The following CPEB1 variants were observed in gnomAD, a reference collection of about 807,000 sequenced individuals.
The protein encoded by CPEB1 is cytoplasmic polyadenylation element-binding protein 1.
In CPEB1, 7 loss-of-function variants were observed where a neutral mutation model predicts 65.8. The observed-to-expected ratio is 0.11, with a 90% CI of 0.06 to 0.20. CPEB1 has a LOEUF of 0.20. Among genes scored for constraint, CPEB1 ranks in the 10% least tolerant of loss-of-function variants. The pLI is 1.00. For synonymous variants in CPEB1, 262 were observed against 260.0 expected, an observed-to-expected ratio of 1.01 and a Z score of -0.08; for missense variants, 551 against 712.2, an observed-to-expected ratio of 0.77 and a Z score of 2.58.
At chr15:82,553,825 G>T in intron 7 of CPEB1, 53 bp downstream of exon 7, 1 of 1,289,922 alleles carries the variant, frequency 7.8e-7, no homozygotes, top group African/African-American at 1.5e-5. Context: ...TCATGCTCCT[G>T]AAAGACATGC....
At chr15:82,557,089 C>G (rs761820197) in intron 5 of CPEB1, among the ~76,000 whole-genome samples, 1 of 152,200 alleles carries the variant, frequency 6.6e-6, no homozygotes, top group Non-Finnish European at 1.5e-5. Flanking sequence ...CTACTATCCC[C>G]TATCTATATT....
At chr15:82,560,403 T>TG (rs1325777788) in intron 4 of CPEB1, among the ~76,000 whole-genome samples, 2 of 150,260 alleles carry the variant, frequency 1.3e-5, no homozygotes, top group East Asian at 1.9e-4. Context: ...GTCATTTGTT[T>TG]TTTTTTTTTT....
chr15:82,550,070 A>G (rs2035976071), intron 9 of CPEB1, among the ~76,000 whole-genome samples: 1 of 152,202 alleles, frequency 6.6e-6, no homozygotes, highest in Admixed American at 6.5e-5. Context: ...ATTAAAGGCT[A>G]GGATCCTGAA....
chr15:82,629,860 G>A, intron 1 of CPEB1: 1 of 985,400 alleles, frequency 1.0e-6, no homozygotes, highest in Non-Finnish European at 1.2e-6. Flanking sequence ...CAACTCTGCA[G>A]GATGACCTTA....
At chr15:82,643,060 A>G (rs1217906906) in intron 1 of CPEB1, among the ~76,000 whole-genome samples, 1 of 152,160 alleles carries the variant, frequency 6.6e-6, no homozygotes, top group Non-Finnish European at 1.5e-5. Flanking sequence ...AAATGCAAAA[A>G]TAACACCAGC....
chr15:82,574,714 C>T (rs2040449534), intron 3 of CPEB1, among the ~76,000 whole-genome samples: 1 of 69,072 alleles, frequency 1.4e-5, no homozygotes, highest in South Asian at 3.8e-4. Flanking sequence ...CAGAGCTAGA[C>T]TCGGTCTCAA....
intron 3 of CPEB1, chr15:82,583,576 A>G (rs1021728420): frequency 2.0e-5 from 3 of 152,254 alleles, no homozygotes; most frequent in African/African-American, 7.2e-5. Flanking sequence ...GAAAGCTTCA[A>G]AAGATTTATT....
intron 1 of CPEB1, chr15:82,629,786 ATT>A (rs1216857596): frequency 1.0e-6 from 1 of 985,306 alleles, no homozygotes; most frequent in Non-Finnish European, 1.2e-6. Context: ...GCCCAATGTC[ATT>A]TTGTTTGGCC....
intron 5 of CPEB1, 180 bp downstream of exon 5, chr15:82,557,580 C>T (rs1458253561): frequency 3.4e-6 from 2 of 593,882 alleles, no homozygotes; most frequent in East Asian, 5.6e-5. Context: ...AAAGCATCCT[C>T]TATCCTGTTA....
At chr15:82,607,713 A>C (rs1030545011) in intron 3 of CPEB1, among the ~76,000 whole-genome samples, 10 of 152,226 alleles carry the variant, frequency 6.6e-5, no homozygotes, top group African/African-American at 2.4e-4. Flanking sequence ...ACAGACATTA[A>C]GACAAAAATT....
intron 4 of CPEB1, among the ~76,000 whole-genome samples, chr15:82,567,160 C>T (rs560236464): frequency 6.6e-5 from 10 of 152,286 alleles, no homozygotes; most frequent in African/African-American, 2.2e-4. Context: ...CCATGTTCCA[C>T]ATAAGAGAGA....
intron 3 of CPEB1, among the ~76,000 whole-genome samples, chr15:82,620,912 T>C (rs1056524060): frequency 7.2e-5 from 11 of 152,342 alleles, no homozygotes; most frequent in Admixed American, 2.6e-4. Context: ...TGACTAGTTA[T>C]ACAAGATGTG....
intron 10 of CPEB1, 49 bp from the exon 11 acceptor site, chr15:82,547,286 C>CAAA: frequency 1.3e-6 from 1 of 764,302 alleles, no homozygotes; most frequent in Middle Eastern, 4.0e-4. Flanking sequence ...CTCCCAAATG[C>CAAA]TACTTTTTTT....
chr15:82,634,835 G>A (rs772574680), intron 1 of CPEB1, among the ~76,000 whole-genome samples: 42 of 152,226 alleles, frequency 2.8e-4, no homozygotes, highest in South Asian at 1.9e-3. Context: ...CTGCTGAGAC[G>A]TACTCTGGCA....
chr15:82,544,971 C>T (rs1031532302), intron 12 of CPEB1, among the ~76,000 whole-genome samples: 15 of 152,154 alleles, frequency 9.9e-5, no homozygotes, highest in African/African-American at 3.6e-4. Flanking sequence ...TCTCTTATCC[C>T]CTCTAACCAT....
intron 4 of CPEB1, among the ~76,000 whole-genome samples, chr15:82,570,964 C>T (rs964729005): frequency 2.0e-4 from 30 of 152,154 alleles, no homozygotes; most frequent in Non-Finnish European, 5.9e-5. Flanking sequence ...TAATCAACCC[C>T]TTAACTCCCC....
chr15:82,561,252 G>A (rs982981461), intron 4 of CPEB1, among the ~76,000 whole-genome samples: 1 of 152,188 alleles, frequency 6.6e-6, no homozygotes, highest in African/African-American at 2.4e-5. Context: ...TGATAACTGG[G>A]CCTGGAGTTA....
intron 3 of CPEB1, among the ~76,000 whole-genome samples, chr15:82,600,897 CTTTTTTTTTTTT>C (rs751843256): frequency 3.7e-4 from 24 of 64,176 alleles, no homozygotes; most frequent in African/African-American, 1.1e-3. Context: ...CAGAACTTGT[CTTTTTTTTTTTT>C]TTTTTTTTTT....
chr15:82,640,791 G>GTATATATA (rs1483730282), intron 1 of CPEB1: 2 of 151,864 alleles, frequency 1.3e-5, no homozygotes, highest in Admixed American at 1.3e-4. Context: ...TGGGTCTCCT[G>GTATATATA]TATATATAAG....
Sources: gnomAD v4.1 joint callset for allele counts (sites outside exome capture counted in the v4.1 genomes callset) on GRCh38, gnomAD v4.1.1 for gene constraint, MANE v1.5 for transcripts, NCBI Gene and HGNC (gene_info 2026-07-23, HGNC 2026-07-21) for gene names.